The following TRPM3 variants were observed in gnomAD, a reference collection of about 807,000 sequenced individuals.
TRPM3 encodes long transient receptor potential channel 3.
Under a neutral mutation model 181.2 loss-of-function variants are expected in TRPM3, and 77 were observed. The observed-to-expected ratio is 0.42, with a 90% CI of 0.35 to 0.51. The LOEUF is 0.51. TRPM3 is among the 20% of genes least tolerant of loss of function. The pLI, the probability that TRPM3 is intolerant of heterozygous loss-of-function variation, is 0.01. For synonymous variants in TRPM3, 745 were observed against 796.4 expected, an observed-to-expected ratio of 0.94 and a Z score of 1.09; for missense variants, 1,759 against 2,196.7, an observed-to-expected ratio of 0.80 and a Z score of 3.98.
chr9:71,332,370 A>G (rs914854516), intron 1 of TRPM3, among the ~76,000 whole-genome samples: 44 of 129,734 alleles, frequency 3.4e-4, no homozygotes, highest in African/African-American at 1.4e-3. Context: ...GTGGTTTTCA[A>G]TGTTGGGTGT....
At chr9:71,209,746 AAAG>A (rs1469839765) in intron 1 of TRPM3, among the ~76,000 whole-genome samples, 1 of 152,224 alleles carries the variant, frequency 6.6e-6, no homozygotes, top group African/African-American at 2.4e-5. Flanking sequence ...GAAAAAATCA[AAAG>A]AAGAATGTTT....
chr9:70,841,661 T>TATGA (rs1339698170), intron 5 of TRPM3, among the ~76,000 whole-genome samples: 6 of 86,080 alleles, frequency 7.0e-5, no homozygotes, highest in African/African-American at 2.9e-4. Context: ...TATATATATA[T>TATGA]CCCACCATAT....
chr9:71,365,625 C>T lies in TRPM3; in HGVS notation c.183+81028G>A, dbSNP rs1320227248. Among the ~76,000 whole-genome samples the T allele has an allele frequency of 5.3e-5, 8 of 152,124 alleles. No individual in the cohort carries two copies. In the East Asian group the frequency reaches 1.2e-3, roughly 22 times the overall value. ...CACCCTCCATTTCTTTAATTAGAATCCCTCCTTATTATATTGGGGTTGTAG... is the reference window on the plus strand; with the variant it reads ...CACCCTCCATTTCTTTAATTAGAATTCCTCCTTATTATATTGGGGTTGTAG... On this transcript the variant is annotated intron_variant, in intron 1 of 24. Transcript: ENST00000357533.
chr9:71,322,117 T>C (rs1211422421), intron 1 of TRPM3, among the ~76,000 whole-genome samples: 2 of 152,134 alleles, frequency 1.3e-5, no homozygotes, highest in Non-Finnish European at 2.9e-5. Flanking sequence ...TTTGGTTGTA[T>C]AGACAACTTG....
chr9:70,798,896 G>T (rs2088024897), intron 6 of TRPM3, among the ~76,000 whole-genome samples: 1 of 152,168 alleles, frequency 6.6e-6, no homozygotes, highest in African/African-American at 2.4e-5. Flanking sequence ...AGAACATGCT[G>T]AGTGCCTTGG....
At chr9:71,133,374 A>T (rs2074498857) in intron 1 of TRPM3, among the ~76,000 whole-genome samples, 1 of 129,074 alleles carries the variant, frequency 7.7e-6, no homozygotes, top group African/African-American at 2.9e-5. Flanking sequence ...TGCTCACCGC[A>T]ACCTCTGCCT....
intron 1 of TRPM3, among the ~76,000 whole-genome samples, chr9:70,965,903 A>C (rs1047133814): frequency 6.6e-6 from 1 of 151,988 alleles, no homozygotes; most frequent in African/African-American, 2.4e-5. Flanking sequence ...GATCTCTTTA[A>C]ACTAAAGAGC....
At chr9:71,293,696 A>T (rs2086018646) in intron 1 of TRPM3, among the ~76,000 whole-genome samples, 1 of 151,964 alleles carries the variant, frequency 6.6e-6, no homozygotes, top group South Asian at 2.1e-4. Context: ...AATCCCAAGG[A>T]TGTTTCAAAT....
intron 21 of TRPM3, among the ~76,000 whole-genome samples, chr9:70,593,097 G>A (rs12685674): frequency 6.6e-6 from 1 of 152,134 alleles, no homozygotes; most frequent in Non-Finnish European, 1.5e-5. Flanking sequence ...GTATGCCTTA[G>A]GACACTGGGG....
In TRPM3 at chr9:70,789,588, G is replaced by C. The variant is rs374489065; in HGVS notation, c.974-5309C>G. On this transcript the variant is annotated intron_variant, in intron 6 of 25. Coordinates refer to ENST00000677713, the MANE Select transcript of TRPM3 (RefSeq NM_001366145.2). ...CATTTTCTACCATCACCAAAGACTT[G>C]TCATAGCTCTCAGAACTTTCCATTA... Among the ~76,000 whole-genome samples the C allele has an allele frequency of 1.4e-4, 22 of 152,240 alleles. No homozygotes were observed. The East Asian group carries it at 3.1e-3, about 21-fold the overall frequency.
intron 1 of TRPM3, among the ~76,000 whole-genome samples, chr9:71,266,885 T>C (rs1056007708): frequency 3.3e-5 from 5 of 152,084 alleles, no homozygotes; most frequent in African/African-American, 1.2e-4. Context: ...TGTGGCTAGA[T>C]TATTTTACTT....
At chr9:70,621,597 C>T (rs535709270) in intron 14 of TRPM3, among the ~76,000 whole-genome samples, 1 of 152,256 alleles carries the variant, frequency 6.6e-6, no homozygotes, top group East Asian at 1.9e-4. Context: ...AGCTCTTGGG[C>T]TCAAGTGGTC....
intron 1 of TRPM3, among the ~76,000 whole-genome samples, chr9:71,337,472 TTGG>T (rs1443514835): frequency 6.6e-6 from 1 of 152,188 alleles, no homozygotes; most frequent in African/African-American, 2.4e-5. Context: ...TTTTACACTG[TTGG>T]TGGGAGTGTA....
chr9:70,595,816 A>C (rs577525288), intron 21 of TRPM3, among the ~76,000 whole-genome samples: 12 of 152,340 alleles, frequency 7.9e-5, no homozygotes, highest in Non-Finnish European at 1.3e-4. Context: ...TATAACAGGC[A>C]GTATAATGGA....
intron 1 of TRPM3, among the ~76,000 whole-genome samples, chr9:71,185,056 T>C (rs2077598651): frequency 2.0e-5 from 3 of 152,060 alleles, no homozygotes; most frequent in Non-Finnish European, 2.9e-5. Flanking sequence ...CGCACATGCA[T>C]TGATGAGCTA....
At chr9:70,660,365 G>A (rs11142535) in intron 9 of TRPM3, among the ~76,000 whole-genome samples, 58,332 of 151,786 alleles carry the variant, frequency 0.38, 11,701 homozygotes, top group African/African-American at 0.49. Context: ...GAATGCAACC[G>A]TTTGTCTCTT....
At chr9:70,789,912 T>C (rs1450953756) in intron 6 of TRPM3, among the ~76,000 whole-genome samples, 2 of 152,162 alleles carry the variant, frequency 1.3e-5, no homozygotes, top group Non-Finnish European at 1.5e-5. Flanking sequence ...GTGTCTAAAC[T>C]GCCATAAGAA....
At chr9:70,890,354 A>T (rs1446660148) in intron 1 of TRPM3, among the ~76,000 whole-genome samples, 1 of 152,022 alleles carries the variant, frequency 6.6e-6, no homozygotes, top group Admixed American at 6.6e-5. Flanking sequence ...TTAGAGACTC[A>T]GTAATAAAGG....
chr9:71,235,702 T>G (rs1588080809), intron 1 of TRPM3, among the ~76,000 whole-genome samples: 1 of 152,356 alleles, frequency 6.6e-6, no homozygotes, highest in East Asian at 1.9e-4. Context: ...TTTCTTTAGA[T>G]GTGGGACTCT....
Sources: allele counts gnomAD v4.1 joint callset (sites outside exome capture counted in the v4.1 genomes callset), GRCh38; gene constraint gnomAD v4.1.1; transcripts MANE v1.5; gene names NCBI Gene and HGNC (gene_info 2026-07-23, HGNC 2026-07-21).